DLG2: variants seen among roughly 807,000 people sequenced by gnomAD.
The protein encoded by DLG2 is disks large homolog 2.
DLG2 carries 45 observed loss-of-function variants against 132.5 expected under a neutral mutation model. The ratio of observed to expected loss-of-function variants is 0.34; its 90% CI spans 0.27 to 0.44. The LOEUF (loss-of-function observed/expected upper bound fraction) is 0.44. Among genes scored for constraint, DLG2 ranks in the 20% least tolerant of loss-of-function variants. The probability of loss-of-function intolerance (pLI) is 1.00; values close to 1 mark genes in which losing one functional copy is unlikely to be tolerated. For synonymous variants in DLG2, 424 were observed against 419.6 expected (o/e 1.01, Z -0.13); for missense variants, 1,045 against 1,196.9 (o/e 0.87, Z 1.87).
Position 85,487,509 on chromosome 11 carries a change from G to C in DLG2, c.40+111148C>G, listed in dbSNP as rs190686715. On this transcript the variant is annotated intron_variant, in intron 3 of 27. Coordinates refer to ENST00000376104, the MANE Select transcript of DLG2 (RefSeq NM_001142699.3). ...AGAACCAAATAGAACTTATGGAACT[G>C]AAAAATTAATTGGAGAAAATACAAA... Among the ~76,000 whole-genome samples the C allele has an allele frequency of 2.7e-3, 407 of 149,338 alleles. 2 individuals carry two copies. The highest frequency in any genetic ancestry group is 1.8e-3 in the Non-Finnish European group (121 of 67,530).
At chr11:84,967,270 T>C (rs1408995600) in intron 6 of DLG2, among the ~76,000 whole-genome samples, 1 of 152,070 alleles carries the variant, frequency 6.6e-6, no homozygotes, top group Non-Finnish European at 1.5e-5. Flanking sequence ...AAAACAGGAA[T>C]TGGAAAGGTC....
chr11:85,508,321 C>T (rs1227048922), intron 3 of DLG2, among the ~76,000 whole-genome samples: 2 of 151,664 alleles, frequency 1.3e-5, no homozygotes, highest in Non-Finnish European at 2.9e-5. Context: ...TGATGTTTCT[C>T]CAACATGCCA....
At chr11:84,458,178 C>T (rs370823230) in intron 7 of DLG2, among the ~76,000 whole-genome samples, 4 of 150,770 alleles carry the variant, frequency 2.7e-5, no homozygotes, top group Admixed American at 6.6e-5. Flanking sequence ...TTTCCTGTGG[C>T]TGAATAATAT....
At chr11:84,997,008 G>A (rs2057716487) in intron 6 of DLG2, among the ~76,000 whole-genome samples, 1 of 152,188 alleles carries the variant, frequency 6.6e-6, no homozygotes, top group African/African-American at 2.4e-5. Flanking sequence ...CAGTAGTGCT[G>A]AGAAGGGGTA....
intron 19 of DLG2, among the ~76,000 whole-genome samples, chr11:83,619,566 C>T (rs970569788): frequency 1.3e-5 from 2 of 152,078 alleles, no homozygotes; most frequent in Non-Finnish European, 2.9e-5. Flanking sequence ...CTCATAGATA[C>T]TGTGAGAATT....
At chr11:83,635,740 CTT>C (rs1262825705) in intron 18 of DLG2, among the ~76,000 whole-genome samples, 1 of 152,126 alleles carries the variant, frequency 6.6e-6, no homozygotes, top group African/African-American at 2.4e-5. Context: ...TCTTAATACT[CTT>C]AATAGTCTAT....
chr11:83,961,798 C>T (rs1418697913), intron 14 of DLG2, among the ~76,000 whole-genome samples: 3 of 151,910 alleles, frequency 2.0e-5, no homozygotes, highest in Non-Finnish European at 4.4e-5. Context: ...TTATCTTTGC[C>T]GCAGCCCTCA....
At chr11:83,695,594 C>T (rs572876929) in intron 18 of DLG2, among the ~76,000 whole-genome samples, 1 of 152,218 alleles carries the variant, frequency 6.6e-6, no homozygotes, top group African/African-American at 2.4e-5. Flanking sequence ...CCAAAATTAG[C>T]TAGGCATGGT....
At position 83,456,687 on chromosome 11, in the gene DLG2, A is replaced by C. The variant is rs2089045003; in HGVS notation, c.*3131T>G. The C allele has an allele frequency of 3.3e-5, 5 of 151,492 alleles. No individual in the cohort carries two copies. The highest frequency in any genetic ancestry group is 3.3e-4 in the Admixed American group (5 of 15,220). 9.4% of individuals were successfully genotyped at this position (151,492 alleles called of 1,614,324 possible). ...AAAAGAGATGGAATTAGTCGGAAGT[A>C]GAAGGAGGAGGAGAGTAAGGAAAAG... On this transcript the variant is annotated 3_prime_UTR_variant, in exon 28 of 28. Transcript: ENST00000376104.
intron 16 of DLG2, among the ~76,000 whole-genome samples, chr11:83,837,208 C>A (rs1420650773): frequency 6.6e-6 from 1 of 152,104 alleles, no homozygotes; most frequent in African/African-American, 2.4e-5. Flanking sequence ...GGAAGTTAAG[C>A]TTCTTGCTGG....
At chr11:83,524,671 G>C (rs1178971528) in intron 21 of DLG2, among the ~76,000 whole-genome samples, 4 of 152,150 alleles carry the variant, frequency 2.6e-5, no homozygotes, top group African/African-American at 4.8e-5. Flanking sequence ...TCATGACCTG[G>C]TTTCCAACTT....
intron 5 of DLG2, among the ~76,000 whole-genome samples, chr11:85,112,410 A>G (rs1169493507): frequency 6.6e-6 from 1 of 152,036 alleles, no homozygotes; most frequent in Admixed American, 6.6e-5. Flanking sequence ...TAAAAATAAT[A>G]CAGTGCTTTA....
chr11:85,179,532 T>C (rs1458495558), intron 4 of DLG2, among the ~76,000 whole-genome samples: 3 of 151,862 alleles, frequency 2.0e-5, no homozygotes, highest in Non-Finnish European at 2.9e-5. Flanking sequence ...GAATAATATA[T>C]AGATTATTAT....
chr11:84,095,193 G>C (rs889739197), intron 10 of DLG2, among the ~76,000 whole-genome samples: 1 of 152,108 alleles, frequency 6.6e-6, no homozygotes, highest in Non-Finnish European at 1.5e-5. Context: ...ACAGAGGCAA[G>C]AGGAGAGGAA....
intron 3 of DLG2, among the ~76,000 whole-genome samples, chr11:85,346,589 C>T (rs2082866529): frequency 6.6e-6 from 1 of 152,034 alleles, no homozygotes; most frequent in Non-Finnish European, 1.5e-5. Flanking sequence ...GTAGACACTC[C>T]CAAGTCTGGG....
intron 4 of DLG2, among the ~76,000 whole-genome samples, chr11:85,274,833 A>G (rs2077783991): frequency 6.6e-6 from 1 of 152,204 alleles, no homozygotes; most frequent in Admixed American, 6.5e-5. Context: ...CCATACCCAG[A>G]AAAAAGAATG....
chr11:85,542,320 A>G (rs561279187), intron 3 of DLG2, among the ~76,000 whole-genome samples: 8 of 152,166 alleles, frequency 5.3e-5, no homozygotes, highest in African/African-American at 1.7e-4. Flanking sequence ...ATGTTGGAGA[A>G]CTCCCCCACG....
intron 6 of DLG2, among the ~76,000 whole-genome samples, chr11:85,108,472 A>G (rs1482665363): frequency 2.6e-5 from 4 of 152,066 alleles, no homozygotes; most frequent in Admixed American, 6.6e-5. Flanking sequence ...TATAAAATGA[A>G]TATTAATACC....
chr11:85,527,904 T>C (rs1173772665), intron 3 of DLG2, among the ~76,000 whole-genome samples: 3 of 152,240 alleles, frequency 2.0e-5, no homozygotes, highest in Non-Finnish European at 2.9e-5. Context: ...TGGCATGAGA[T>C]AGCATCTCAT....
Sources: allele counts gnomAD v4.1 joint callset (sites outside exome capture counted in the v4.1 genomes callset), GRCh38; gene constraint gnomAD v4.1.1; transcripts MANE v1.5; gene names NCBI Gene and HGNC (gene_info 2026-07-23, HGNC 2026-07-21).